KCNQ5: variants seen among roughly 807,000 people sequenced by gnomAD.
KCNQ5 encodes the protein potassium voltage-gated channel subfamily Q member 5.
KCNQ5 carries 30 observed loss-of-function variants against 98.2 expected under a neutral mutation model. The ratio of observed to expected loss-of-function variants is 0.31; its 90% CI spans 0.23 to 0.41. The LOEUF (loss-of-function observed/expected upper bound fraction) is 0.41. KCNQ5 is among the 10% of genes least tolerant of loss of function. The pLI, the probability that KCNQ5 is intolerant of heterozygous loss-of-function variation, is 1.00. For missense variants in KCNQ5, 835 were observed against 1,182.5 expected, an observed-to-expected ratio of 0.71 and a Z score of 4.31; for synonymous variants, 458 against 449.4, an observed-to-expected ratio of 1.02 and a Z score of -0.24.
intron 10 of KCNQ5, among the ~76,000 whole-genome samples, chr6:73,152,450 T>C (rs902124966): frequency 3.3e-5 from 5 of 152,306 alleles, no homozygotes; most frequent in Non-Finnish European, 4.4e-5. Flanking sequence ...TCTAAGGTCC[T>C]TTGTTTTTGT....
At chr6:72,780,642 C>T (rs903297167) in intron 1 of KCNQ5, among the ~76,000 whole-genome samples, 6 of 152,056 alleles carry the variant, frequency 3.9e-5, no homozygotes, top group Admixed American at 2.6e-4. Flanking sequence ...GAGTGGAAGA[C>T]TTGGGGGGAG....
intron 4 of KCNQ5, 106 bp from the exon 5 acceptor site, chr6:73,077,656 A>G (rs1773591153): frequency 7.7e-7 from 1 of 1,290,426 alleles, no homozygotes; most frequent in Non-Finnish European, 1.1e-6. Context: ...AAGAGCCATC[A>G]TAAACATCCA....
chr6:73,121,454 C>T (rs1028005035), intron 8 of KCNQ5, among the ~76,000 whole-genome samples: 11 of 152,180 alleles, frequency 7.2e-5, no homozygotes, highest in South Asian at 4.1e-4. Flanking sequence ...ATTGAAATAC[C>T]GAAGCAGTAA....
chr6:73,008,590 T>C (rs866594096), intron 2 of KCNQ5, among the ~76,000 whole-genome samples: 25 of 152,038 alleles, frequency 1.6e-4, no homozygotes, highest in African/African-American at 6.0e-4. Context: ...ATGCACCTAA[T>C]AACAGGTAAT....
intron 1 of KCNQ5, among the ~76,000 whole-genome samples, chr6:72,886,565 A>T (rs1384450155): frequency 1.3e-5 from 2 of 152,178 alleles, no homozygotes; most frequent in African/African-American, 4.8e-5. Flanking sequence ...GAGAAACAGC[A>T]GTTATCCAGT....
chr6:72,630,355 C>T (rs890870399), intron 1 of KCNQ5: 10 of 152,046 alleles, frequency 6.6e-5, no homozygotes, highest in African/African-American at 2.2e-4. Flanking sequence ...TTCTAGAATC[C>T]CTATTCCTTC....
chr6:72,959,505 G>T (rs1562094039), intron 1 of KCNQ5, among the ~76,000 whole-genome samples: 1 of 152,162 alleles, frequency 6.6e-6, no homozygotes, highest in Non-Finnish European at 1.5e-5. Flanking sequence ...CTTAATTCTA[G>T]AAATAATGCT....
chr6:73,051,126 C>G (rs920896414), intron 3 of KCNQ5, among the ~76,000 whole-genome samples: 1 of 152,234 alleles, frequency 6.6e-6, no homozygotes, highest in Non-Finnish European at 1.5e-5. Context: ...AACTGCCAAA[C>G]TATTTCCTTT....
chr6:72,739,455 A>T (rs1008714398), intron 1 of KCNQ5, among the ~76,000 whole-genome samples: 6 of 152,112 alleles, frequency 3.9e-5, no homozygotes, highest in African/African-American at 1.2e-4. Flanking sequence ...TCTATCAATG[A>T]CCTTTCCACC....
At chr6:73,094,409 T>C (rs1774393670) in intron 5 of KCNQ5, among the ~76,000 whole-genome samples, 1 of 152,206 alleles carries the variant, frequency 6.6e-6, no homozygotes, top group Non-Finnish European at 1.5e-5. Context: ...AACGTTAGTA[T>C]TGAGATGTGA....
chr6:72,797,719 T>C (rs185931211), intron 1 of KCNQ5, among the ~76,000 whole-genome samples: 1 of 152,136 alleles, frequency 6.6e-6, no homozygotes, highest in African/African-American at 2.4e-5. Flanking sequence ...AGTGGCTTAG[T>C]GCATGAGTTA....
intron 2 of KCNQ5, among the ~76,000 whole-genome samples, chr6:73,009,515 A>G (rs1769966393): frequency 6.6e-6 from 1 of 152,174 alleles, no homozygotes; most frequent in East Asian, 1.9e-4. Flanking sequence ...CAAGCTAGCC[A>G]GAACAAAGGA....
intron 10 of KCNQ5, among the ~76,000 whole-genome samples, chr6:73,144,493 T>C (rs1776845597): frequency 6.6e-6 from 1 of 152,228 alleles, no homozygotes; most frequent in Non-Finnish European, 1.5e-5. Flanking sequence ...CACATCGTTC[T>C]ATTGGAATTG....
chr6:73,197,580 TACACACACACACACACACACACACAC>T lies in KCNQ5; in HGVS notation c.*2203_*2228del, dbSNP rs545254868. 7.1e-3 allele frequency: 751 copies of T among 105,496 alleles called. 11 individuals carry two copies. Among genetic ancestry groups the T allele is most frequent in the African/African-American group, 0.024 (679 of 28,830 alleles). 6.5% of individuals were successfully genotyped at this position (105,496 alleles called of 1,614,324 possible). A position where few individuals can be genotyped will look rare whatever the true frequency, so the allele number is the denominator to read the frequency against. On this transcript the variant is annotated 3_prime_UTR_variant, in exon 14 of 14. Coordinates refer to ENST00000370398, the MANE Select transcript of KCNQ5 (RefSeq NM_019842.4). The stretch of plus-strand genomic sequence containing the variant: ...GATTCCCCCTTGCAAGAATGTTGCA[TACACACACACACACACACACACACAC>T]ACACACACACACACACACACACACA...
chr6:73,079,939 G>A (rs1277159201), intron 5 of KCNQ5, among the ~76,000 whole-genome samples: 3 of 152,202 alleles, frequency 2.0e-5, no homozygotes, highest in Non-Finnish European at 4.4e-5. Context: ...GCTTCTCTTG[G>A]ATAATTCTAA....
At chr6:73,177,005 G>GA (rs1778237641) in intron 11 of KCNQ5, among the ~76,000 whole-genome samples, 1 of 152,248 alleles carries the variant, frequency 6.6e-6, no homozygotes, top group East Asian at 1.9e-4. Context: ...AGAATGCTCT[G>GA]AAGGAGATAG....
chr6:72,796,912 A>G (rs1430342670), intron 1 of KCNQ5, among the ~76,000 whole-genome samples: 1 of 152,208 alleles, frequency 6.6e-6, no homozygotes, highest in East Asian at 1.9e-4. Context: ...CAATGAATAT[A>G]ATGAGATTAT....
chr6:72,750,272 T>A (rs1771609295), intron 1 of KCNQ5, among the ~76,000 whole-genome samples: 2 of 152,086 alleles, frequency 1.3e-5, no homozygotes, highest in African/African-American at 4.8e-5. Flanking sequence ...GAATGAATAA[T>A]CTGCACAATC....
chr6:72,658,578 A>ATATATATTTT (rs1226386362), intron 1 of KCNQ5, among the ~76,000 whole-genome samples: 16 of 76,380 alleles, frequency 2.1e-4, no homozygotes, highest in Non-Finnish European at 4.3e-4. Flanking sequence ...ATATATATAT[A>ATATATATTTT]TTTTTTTTTT....
Sources: allele counts gnomAD v4.1 joint callset (sites outside exome capture counted in the v4.1 genomes callset), GRCh38; gene constraint gnomAD v4.1.1; transcripts MANE v1.5; gene names NCBI Gene and HGNC (gene_info 2026-07-23, HGNC 2026-07-21).